CHRM3: variants seen among roughly 807,000 people sequenced by gnomAD.
CHRM3 encodes the protein cholinergic receptor muscarinic 3.
In CHRM3, 11 loss-of-function variants were observed where a neutral mutation model predicts 41.8. The observed-to-expected ratio is 0.26, with a 90% CI of 0.17 to 0.44. CHRM3 has a LOEUF of 0.44. Ranked by LOEUF, CHRM3 falls within the 20% of genes least tolerant of loss-of-function variation. The pLI is 1.00. For missense variants in CHRM3, 571 were observed against 745.4 expected, an observed-to-expected ratio of 0.77 and a Z score of 2.72; for synonymous variants, 297 against 301.4, an observed-to-expected ratio of 0.99 and a Z score of 0.15.
chr1:239,786,421 T>C (rs551432301), intron 5 of CHRM3, among the ~76,000 whole-genome samples: 52 of 152,208 alleles, frequency 3.4e-4, no homozygotes, highest in Non-Finnish European at 6.6e-4. Context: ...GAGATAGATA[T>C]TGTTATGATT....
chr1:239,678,669 A>G (rs1228364986), intron 5 of CHRM3, among the ~76,000 whole-genome samples: 1 of 152,126 alleles, frequency 6.6e-6, no homozygotes, highest in Non-Finnish European at 1.5e-5. Context: ...CTTACAGAAA[A>G]ACATCGACTT....
At chr1:239,618,317 G>A (rs1326650535) in intron 3 of CHRM3, among the ~76,000 whole-genome samples, 1 of 139,612 alleles carries the variant, frequency 7.2e-6, no homozygotes, top group Admixed American at 7.4e-5. Context: ...GAGTGGTAAG[G>A]CACAGAGGAA....
chr1:239,681,417 G>A (rs1658550217), intron 5 of CHRM3, among the ~76,000 whole-genome samples: 1 of 152,172 alleles, frequency 6.6e-6, no homozygotes, highest in Admixed American at 6.5e-5. Context: ...TTGGGTCTGT[G>A]CCCACATCCC....
chr1:239,733,852 A>G (rs1664181211), intron 5 of CHRM3, among the ~76,000 whole-genome samples: 2 of 152,090 alleles, frequency 1.3e-5, no homozygotes, highest in South Asian at 4.1e-4. Flanking sequence ...TGAACCTTTT[A>G]TGTACCTTAT....
chr1:239,835,608 G>A (rs1673248310), intron 6 of CHRM3, among the ~76,000 whole-genome samples: 1 of 152,126 alleles, frequency 6.6e-6, no homozygotes, highest in Non-Finnish European at 1.5e-5. Context: ...TTTAAACAAT[G>A]GTTTTCAAAT....
rs144434584 is a variant in CHRM3, at chr1:239,456,222, C to G, written c.-520-36487C>G. ...GTCAATTTCTATGATTATTCAAAAA[C>G]AACTGTCTGTGAGAGTCGGGCTGGT... On this transcript the variant is annotated intron_variant, in intron 1 of 6. Coordinates refer to ENST00000676153, the MANE Select transcript of CHRM3 (RefSeq NM_001375978.1). Among the ~76,000 whole-genome samples the G allele has an allele frequency of 5.4e-3, 829 of 152,280 alleles. 5 individuals carry two copies. Among genetic ancestry groups the G allele is most frequent in the Non-Finnish European group, 9.5e-3 (646 of 68,016 alleles).
At chr1:239,882,672 A>G (rs1330006941) in intron 6 of CHRM3, among the ~76,000 whole-genome samples, 1 of 152,220 alleles carries the variant, frequency 6.6e-6, no homozygotes, top group Non-Finnish European at 1.5e-5. Flanking sequence ...TCTAATCTAT[A>G]CTAAAATTGA....
intron 1 of CHRM3, among the ~76,000 whole-genome samples, chr1:239,440,224 T>G (rs1663607290): frequency 6.8e-6 from 1 of 148,030 alleles, no homozygotes; most frequent in Non-Finnish European, 1.5e-5. Context: ...AGCCTCTCTA[T>G]AGGGACATTA....
At chr1:239,701,118 A>G (rs115096691) in intron 5 of CHRM3, among the ~76,000 whole-genome samples, 2 of 152,282 alleles carry the variant, frequency 1.3e-5, no homozygotes, top group Non-Finnish European at 2.9e-5. Context: ...CTGATTGGCA[A>G]TCCAGTTGAC....
chr1:239,772,181 C>T (rs1667734676), intron 5 of CHRM3, among the ~76,000 whole-genome samples: 2 of 152,028 alleles, frequency 1.3e-5, no homozygotes, highest in African/African-American at 4.8e-5. Flanking sequence ...GACGGAGGTT[C>T]ACTCTGTCAC....
chr1:239,472,198 G>C (rs1204243447), intron 1 of CHRM3, among the ~76,000 whole-genome samples: 1 of 152,094 alleles, frequency 6.6e-6, no homozygotes, highest in Non-Finnish European at 1.5e-5. Context: ...TTCATTTCTG[G>C]CCCATCCCGT....
At chr1:239,394,123 C>T (rs1471768763) in intron 1 of CHRM3, among the ~76,000 whole-genome samples, 2 of 152,160 alleles carry the variant, frequency 1.3e-5, no homozygotes, top group African/African-American at 4.8e-5. Flanking sequence ...CTAAACAAAT[C>T]TGGGTTGGAA....
chr1:239,551,842 C>A (rs371217985), intron 3 of CHRM3, among the ~76,000 whole-genome samples: 4 of 152,052 alleles, frequency 2.6e-5, no homozygotes, highest in African/African-American at 9.7e-5. Context: ...AACTGTAAAG[C>A]ATTAAGCTAA....
chr1:239,908,146 C>T lies in CHRM3; in HGVS notation c.695C>T (p.Thr232Ile), dbSNP rs773600041. ...CAGTTCCTCAGTGAGCCCACCATTA[C>T]TTTTGGCACAGCCATCGCTGCTTTT... ...FIQFLSEPTITFGTAIAAFYM... is the reference protein window; with the variant it reads ...FIQFLSEPTIIFGTAIAAFYM... The change falls in exon 7 of 7, where the codon ACT (threonine) becomes ATT (isoleucine). Residue 232 changes from threonine (T) to isoleucine (I), a missense_variant. Physicochemically the swap from Thr to Ile is moderately conservative, Grantham distance 89. Around this residue, in one of 5 missense-constraint regions of CHRM3, gnomAD observed 153 missense variants for 296.3 expected, o/e 0.52. Coordinates refer to ENST00000676153, the MANE Select transcript of CHRM3 (RefSeq NM_001375978.1). This position sits in a 1 kb window ranked among gnomAD's most constrained non-coding sequence, Gnocchi z 7.2. 6.2e-7 allele frequency: 1 copy of T among 1,614,186 alleles called. No homozygotes were observed. Among genetic ancestry groups the T allele is most frequent in the Non-Finnish European group, 8.5e-7 (1 of 1,180,038 alleles).
intron 1 of CHRM3, among the ~76,000 whole-genome samples, chr1:239,392,850 G>T (rs1659160070): frequency 6.6e-6 from 1 of 152,114 alleles, no homozygotes; most frequent in South Asian, 2.1e-4. Flanking sequence ...CACTAGAATT[G>T]CCCATGGGAT....
At chr1:239,899,113 C>A (rs1033270356) in intron 6 of CHRM3, among the ~76,000 whole-genome samples, 30 of 152,028 alleles carry the variant, frequency 2.0e-4, no homozygotes, top group African/African-American at 6.8e-4. Flanking sequence ...TGACTATAGA[C>A]ATAATTTTAT....
intron 1 of CHRM3, among the ~76,000 whole-genome samples, chr1:239,479,339 C>T (rs1558253485): frequency 6.6e-6 from 1 of 151,742 alleles, no homozygotes; most frequent in Non-Finnish European, 1.5e-5. Flanking sequence ...ATGCTATAAC[C>T]AAAGATGAGA....
intron 5 of CHRM3, among the ~76,000 whole-genome samples, chr1:239,758,995 T>C (rs76233012): frequency 0.062 from 9,410 of 152,074 alleles, 702 homozygotes; most frequent in African/African-American, 0.17. Flanking sequence ...ATCAGCAGTA[T>C]AGGTTGTCTT....
At chr1:239,864,752 T>C (rs1196112064) in intron 6 of CHRM3, among the ~76,000 whole-genome samples, 2 of 152,080 alleles carry the variant, frequency 1.3e-5, no homozygotes, top group Non-Finnish European at 2.9e-5. Flanking sequence ...TCTAGAAAAA[T>C]GGAAGATTTT....
Sources: gnomAD v4.1 joint callset for allele counts (sites outside exome capture counted in the v4.1 genomes callset) on GRCh38, gnomAD v4.1.1 for gene constraint, gnomAD v4.1.1 regional missense constraint, Gnocchi (gnomAD v3.1) non-coding constraint, MANE v1.5 for transcripts, NCBI Gene and HGNC (gene_info 2026-07-23, HGNC 2026-07-21) for gene names.